GLB1: variants seen among roughly 807,000 people sequenced by gnomAD.
The protein encoded by GLB1 is beta-galactosidase.
GLB1 carries 56 observed loss-of-function variants against 74.0 expected under a neutral mutation model. That is an observed-to-expected ratio of 0.76 (90% CI 0.61 to 0.94). GLB1 has a LOEUF of 0.94. Ranked by LOEUF, GLB1 falls within the 40% of genes least tolerant of loss-of-function variation. The pLI is 0.00. For synonymous variants in GLB1, 323 were observed against 323.6 expected, an observed-to-expected ratio of 1.00 and a Z score of 0.02; for missense variants, 787 against 845.5, an observed-to-expected ratio of 0.93 and a Z score of 0.86.
chr3:33,000,228 A>C (rs930562088), intron 15 of GLB1, among the ~76,000 whole-genome samples: 3 of 152,056 alleles, frequency 2.0e-5, no homozygotes, highest in African/African-American at 7.2e-5. Context: ...GGCATGAGCC[A>C]CCTCGCCTGG....
intron 1 of GLB1, chr3:33,096,373 T>C: frequency 2.0e-6 from 2 of 981,342 alleles, no homozygotes; most frequent in Non-Finnish European, 2.4e-6. Context: ...CGATCAACGA[T>C]GGCATCCCCC....
intron 2 of GLB1, among the ~76,000 whole-genome samples, chr3:33,069,925 C>A (rs144936108): frequency 4.6e-5 from 7 of 152,014 alleles, no homozygotes; most frequent in Non-Finnish European, 7.4e-5. Context: ...AGATAATCTG[C>A]CTAGTACACG....
At chr3:33,058,390 G>C (rs1402390656) in intron 5 of GLB1, 121 bp from the exon 6 acceptor site, 2 of 1,415,864 alleles carry the variant, frequency 1.4e-6, no homozygotes, top group Non-Finnish European at 1.9e-6. Context: ...ATGACTGCTG[G>C]AAAAATTTCC....
At chr3:33,024,072 A>G (rs926291327) in intron 11 of GLB1, among the ~76,000 whole-genome samples, 179 bp downstream of exon 11, 2 of 151,824 alleles carry the variant, frequency 1.3e-5, no homozygotes, top group African/African-American at 4.8e-5. Context: ...GTATCTTCTC[A>G]CCTCTCTCTC....
the GLB1 span, among the ~76,000 whole-genome samples, chr3:32,982,163 A>G: frequency 6.6e-6 from 1 of 152,024 alleles, no homozygotes; most frequent in East Asian, 1.9e-4. Flanking sequence ...AACATACAAA[A>G]TTAGCCAGGC....
At chr3:33,051,862 C>T (rs1399053707) in intron 8 of GLB1, 21 bp downstream of exon 8, 42 of 1,614,064 alleles carry the variant, frequency 2.6e-5, no homozygotes, top group Non-Finnish European at 3.1e-5. Flanking sequence ...GGCACCCTCC[C>T]CTCAGGCAAT....
chr3:33,005,904 C>A (rs1349025938), intron 15 of GLB1, among the ~76,000 whole-genome samples: 1 of 152,176 alleles, frequency 6.6e-6, no homozygotes, highest in African/African-American at 2.4e-5. Flanking sequence ...GAAGGTGGGA[C>A]AATTTATCTT....
At chr3:33,026,033 G>A (rs1458298466) in intron 10 of GLB1, among the ~76,000 whole-genome samples, 1 of 152,176 alleles carries the variant, frequency 6.6e-6, no homozygotes, top group Admixed American at 6.5e-5. Flanking sequence ...GGGCACGGAG[G>A]GGCGGACAGA....
In GLB1 at chr3:33,050,989, G is replaced by C. The variant is rs535240300; in HGVS notation, c.955+769C>G. ...CACGCCTGTAATCCCAGAACTTTGG[G>C]AGGCCAAGGCAGGTGGATCACGAGG... On this transcript the variant is annotated intron_variant, in intron 9 of 15. Coordinates refer to ENST00000307363, the MANE Select transcript of GLB1 (RefSeq NM_000404.4). Among the ~76,000 whole-genome samples the C allele has an allele frequency of 6.6e-5, 10 of 152,192 alleles. No homozygotes were observed. The East Asian group carries it at 1.5e-3, about 24-fold the overall frequency.
chr3:33,093,406 G>A lies in GLB1; in HGVS notation c.75+3605C>T, dbSNP rs1458230630. 1 of 1,614,038 alleles carries A rather than the reference G, an allele frequency of 6.2e-7. No individual in the cohort carries two copies. Among genetic ancestry groups the A allele is most frequent in the African/African-American group, 1.3e-5 (1 of 74,902 alleles). The stretch of plus-strand genomic sequence containing the variant: ...TAGGCACCGAGATGTGAATGAAGCT[G>A]GCCCAGAGGAGCGACAGCCGTCCGC... On this transcript the variant is annotated intron_variant, in intron 1 of 15. Transcript: ENST00000307363. This position sits in a 1 kb window ranked among gnomAD's most constrained non-coding sequence, Gnocchi z 6.0.
chr3:33,043,815 T>TTACAA (rs1698625507), intron 10 of GLB1, among the ~76,000 whole-genome samples: 1 of 27,910 alleles, frequency 3.6e-5, no homozygotes, highest in Admixed American at 5.3e-4. Context: ...TGCAGGTAAA[T>TTACAA]GGTGTTAATG....
chr3:33,023,278 A>T (rs1697580212), intron 11 of GLB1, among the ~76,000 whole-genome samples: 3 of 152,210 alleles, frequency 2.0e-5, no homozygotes, highest in African/African-American at 7.2e-5. Context: ...AAGTAGCTGT[A>T]GCAATGAACA....
the GLB1 span, among the ~76,000 whole-genome samples, chr3:32,971,877 A>G: frequency 6.6e-6 from 1 of 152,218 alleles, no homozygotes; most frequent in Non-Finnish European, 1.5e-5. Context: ...GAACACGGGC[A>G]TATCGGCAAC....
At chr3:33,080,283 T>C (rs944645570) in intron 1 of GLB1, among the ~76,000 whole-genome samples, 5 of 152,198 alleles carry the variant, frequency 3.3e-5, no homozygotes, top group Admixed American at 2.6e-4. Context: ...TTTCACCACG[T>C]TGGCCAGGCT....
intron 9 of GLB1, among the ~76,000 whole-genome samples, chr3:33,046,555 A>G (rs936748834): frequency 2.0e-5 from 3 of 152,038 alleles, no homozygotes; most frequent in Non-Finnish European, 4.4e-5. Flanking sequence ...AAATCTGCTA[A>G]CACCTCACAA....
the GLB1 span, among the ~76,000 whole-genome samples, chr3:32,990,354 G>A: frequency 6.6e-6 from 1 of 152,132 alleles, no homozygotes; most frequent in Non-Finnish European, 1.5e-5. Flanking sequence ...TGATCTCATC[G>A]CTGTCATTGT....
At chr3:33,058,655 C>T (rs1228917300) in intron 5 of GLB1, among the ~76,000 whole-genome samples, 3 of 152,126 alleles carry the variant, frequency 2.0e-5, no homozygotes, top group Non-Finnish European at 4.4e-5. Context: ...AATTCCATTG[C>T]CCAGAGATAA....
chr3:33,058,553 T>C (rs1575460057), intron 5 of GLB1, among the ~76,000 whole-genome samples: 1 of 152,150 alleles, frequency 6.6e-6, no homozygotes, highest in Non-Finnish European at 1.5e-5. Flanking sequence ...TTCCCTAGAA[T>C]AGAAAGTAGA....
chr3:32,980,461 T>C, the GLB1 span, among the ~76,000 whole-genome samples: 16,398 of 152,274 alleles, frequency 0.11, 1,126 homozygotes, highest in African/African-American at 0.2. Flanking sequence ...CTGTATCTCA[T>C]GAGTTTTGAT....
Sources: allele counts gnomAD v4.1 joint callset (sites outside exome capture counted in the v4.1 genomes callset), GRCh38; gene constraint gnomAD v4.1.1; non-coding constraint Gnocchi (gnomAD v3.1); transcripts MANE v1.5; gene names NCBI Gene and HGNC (gene_info 2026-07-23, HGNC 2026-07-21).